The following ARSG variants were observed in gnomAD, a reference collection of about 807,000 sequenced individuals.
ARSG encodes ASG.
A neutral mutation model predicts 50.5 loss-of-function variants in ARSG; 37 were observed. That is an observed-to-expected ratio of 0.73 (90% confidence interval 0.56 to 0.96). The LOEUF (loss-of-function observed/expected upper bound fraction) is 0.96, where lower values mean the gene tolerates loss of function less well. Ranked by LOEUF, ARSG falls within the 50% of genes least tolerant of loss-of-function variation. ARSG has a pLI of 0.00. For synonymous variants in ARSG, 225 were observed against 254.6 expected (o/e 0.88, Z 1.11); for missense variants, 629 against 675.3 (o/e 0.93, Z 0.76).
intron 2 of ARSG, among the ~76,000 whole-genome samples, chr17:68,308,411 G>A (rs1023225181): frequency 1.8e-4 from 28 of 152,192 alleles, no homozygotes; most frequent in Middle Eastern, 3.4e-3. Context: ...AGACCTTCAC[G>A]GTGAGTGTTA....
In ARSG at chr17:68,378,629, G is replaced by C. The variant is rs1195663428; in HGVS notation, c.983-6435G>C. Among the ~76,000 whole-genome samples, 2 of 146,462 alleles carry C rather than the reference G, an allele frequency of 1.4e-5. No individual in the cohort carries two copies. The highest frequency in any genetic ancestry group is 4.8e-4 in the East Asian group (2 of 4,200). On this transcript the variant is annotated intron_variant, in intron 8 of 11. Transcript: ENST00000621439. The surrounding 1 kb of genome is among the most constrained non-coding windows in gnomAD (Gnocchi z 4.4). ...TCCACAGCCTGGTCCAGGAGGCCTGGCTCTCCCAGCAGCCGCCTTCCCTTC... is the reference window on the plus strand; with the variant it reads ...TCCACAGCCTGGTCCAGGAGGCCTGCCTCTCCCAGCAGCCGCCTTCCCTTC...
Position 68,385,120 on chromosome 17 carries a change from G to T in ARSG, c.1039G>T (p.Ala347Ser). The change falls in exon 9 of 12, where the codon GCT becomes TCT. Residue 347 changes from alanine (A) to serine (S), a missense_variant. Transcript: ENST00000621439. ...AGGAGGGCACCGGGTCCCAGCACTG[G>T]CTTACTGGCCTGGCAGAGTTCCAGT... ...WEGGHRVPAL[A>S]YWPGRVPVNV... The T allele has an allele frequency of 1.2e-6, 2 of 1,614,058 alleles. No individual in the cohort carries two copies. The highest frequency in any genetic ancestry group is 1.7e-6 in the Non-Finnish European group (2 of 1,179,974).
chr17:68,386,897 T>G (rs2080753652), intron 9 of ARSG, among the ~76,000 whole-genome samples: 1 of 152,042 alleles, frequency 6.6e-6, no homozygotes, highest in African/African-American at 2.4e-5. Context: ...GAGAGGATGG[T>G]TTGGTGACCC....
At chr17:68,379,802 C>G (rs1290465584) in intron 8 of ARSG, 1 of 985,370 alleles carries the variant, frequency 1.0e-6, no homozygotes, top group Non-Finnish European at 1.2e-6. Context: ...GCATGCCCAA[C>G]CAAACTGTCG....
chr17:68,313,152 T>G (rs2076932137), intron 2 of ARSG, among the ~76,000 whole-genome samples: 1 of 151,894 alleles, frequency 6.6e-6, no homozygotes, highest in African/African-American at 2.4e-5. Context: ...TCCCAGCTAC[T>G]CAGGAGGCTG....
chr17:68,375,286 G>A (rs1036855841), intron 8 of ARSG, among the ~76,000 whole-genome samples: 4 of 152,176 alleles, frequency 2.6e-5, no homozygotes, highest in Non-Finnish European at 5.9e-5. Context: ...AGAATCATCT[G>A]AGTGTAGAAC....
intron 6 of ARSG, among the ~76,000 whole-genome samples, chr17:68,358,337 G>A (rs1392039128): frequency 1.3e-5 from 2 of 152,108 alleles, no homozygotes; most frequent in South Asian, 2.1e-4. Flanking sequence ...AGGATCGCTC[G>A]AGGCCAGGAA....
At chr17:68,387,078 ATCACACACAC>A (rs1248333190) in intron 9 of ARSG, among the ~76,000 whole-genome samples, 1 of 70,088 alleles carries the variant, frequency 1.4e-5, no homozygotes, top group Non-Finnish European at 2.5e-5. Context: ...TATATAGTGT[ATCACACACAC>A]ACACACACAC....
chr17:68,301,373 T>G (rs1404597586), intron 1 of ARSG, among the ~76,000 whole-genome samples: 1 of 152,210 alleles, frequency 6.6e-6, no homozygotes, highest in Non-Finnish European at 1.5e-5. Context: ...GCTATCGTGG[T>G]AACTGGGTTT....
chr17:68,433,883 A>G, the ARSG span, among the ~76,000 whole-genome samples: 2 of 145,812 alleles, frequency 1.4e-5, no homozygotes, highest in African/African-American at 2.6e-5. Context: ...CCTGGGTTCA[A>G]GCGATTCTCC....
chr17:68,448,459 G>A, the ARSG span: 1 of 152,156 alleles, frequency 6.6e-6, no homozygotes, highest in South Asian at 2.1e-4. Context: ...ATGAATTGCT[G>A]ACAGTTCCTG....
At chr17:68,332,939 A>G (rs77010732) in intron 2 of ARSG, among the ~76,000 whole-genome samples, 167 of 152,342 alleles carry the variant, frequency 1.1e-3, no homozygotes, top group African/African-American at 3.9e-3. Context: ...GGGCAACAGA[A>G]GCTTATGACT....
intron 2 of ARSG, among the ~76,000 whole-genome samples, chr17:68,326,960 A>G (rs1241801772): frequency 1.3e-5 from 2 of 152,190 alleles, no homozygotes; most frequent in Non-Finnish European, 2.9e-5. Context: ...TGGTAGCAAT[A>G]GTCAGTGCTC....
intron 11 of ARSG, among the ~76,000 whole-genome samples, chr17:68,415,535 C>A (rs556231889): frequency 2.0e-5 from 3 of 152,152 alleles, no homozygotes; most frequent in Non-Finnish European, 4.4e-5. Context: ...CTGTTAAGTC[C>A]ATTTGTTACA....
At chr17:68,300,702 A>G (rs1555761491) in intron 1 of ARSG, among the ~76,000 whole-genome samples, 2 of 152,200 alleles carry the variant, frequency 1.3e-5, no homozygotes, top group African/African-American at 4.8e-5. Context: ...GGCTCCTGCA[A>G]CATGGCTTTC....
At chr17:68,269,776 C>T (rs765822584) in intron 1 of ARSG, among the ~76,000 whole-genome samples, 2 of 149,254 alleles carry the variant, frequency 1.3e-5, no homozygotes, top group East Asian at 2.0e-4. Flanking sequence ...CAGGTTCAAG[C>T]GATTCTCCTG....
chr17:68,433,341 T>C, the ARSG span: 1 of 905,202 alleles, frequency 1.1e-6, no homozygotes, highest in Non-Finnish European at 1.7e-6. Flanking sequence ...CTCCATCACT[T>C]AGGTGAAGTC....
chr17:68,313,679 C>CTT lies in ARSG; in HGVS notation c.218+5969_218+5970insTT, dbSNP rs1464951846. On this transcript the variant is annotated intron_variant, in intron 2 of 11. Transcript: ENST00000621439. ...TTAGCTGTATTACGTATCTCTCTCTCTCTCTTTTTTTTTTTTTTGAGACAC... is the reference window on the plus strand; with the variant it reads ...TTAGCTGTATTACGTATCTCTCTCTCTTTCTCTTTTTTTTTTTTTTGAGACAC... Among the ~76,000 whole-genome samples, 31 of 40,802 alleles carry CTT rather than the reference C, an allele frequency of 7.6e-4. No homozygotes were observed. In the South Asian group the frequency reaches 7.7e-3, roughly 10 times the overall value. 26.8% of individuals were successfully genotyped at this position (40,802 alleles called of 152,430 possible).
chr17:68,407,377 T>A (rs1191936236), intron 11 of ARSG, among the ~76,000 whole-genome samples: 1 of 152,194 alleles, frequency 6.6e-6, no homozygotes, highest in African/African-American at 2.4e-5. Flanking sequence ...TTGTATGAAT[T>A]TTTCTAATTC....
Sources: allele counts gnomAD v4.1 joint callset (sites outside exome capture counted in the v4.1 genomes callset), GRCh38; gene constraint gnomAD v4.1.1; non-coding constraint Gnocchi (gnomAD v3.1); transcripts MANE v1.5; gene names NCBI Gene and HGNC (gene_info 2026-07-23, HGNC 2026-07-21).